PLCB4: variants seen among roughly 807,000 people sequenced by gnomAD.
PLCB4 encodes 1-phosphatidylinositol 4,5-bisphosphate phosphodiesterase beta-4.
PLCB4 carries 77 observed loss-of-function variants against 178.8 expected under a neutral mutation model. That is an observed-to-expected ratio of 0.43 (90% CI 0.36 to 0.52). The LOEUF is 0.52. Ranked by LOEUF, PLCB4 falls within the 20% of genes least tolerant of loss-of-function variation. The pLI, the probability that PLCB4 is intolerant of heterozygous loss-of-function variation, is 0.00. For missense variants in PLCB4, 1,024 were observed against 1,453.4 expected, an observed-to-expected ratio of 0.70 and a Z score of 4.80; for synonymous variants, 496 against 490.8, an observed-to-expected ratio of 1.01 and a Z score of -0.14.
intron 2 of PLCB4, among the ~76,000 whole-genome samples, chr20:9,149,838 T>A (rs889789744): frequency 6.6e-6 from 1 of 152,206 alleles, no homozygotes; most frequent in African/African-American, 2.4e-5. Context: ...TCTCAAATAC[T>A]CTTCAGATTA....
At chr20:9,465,959 A>T (rs1387256549) in intron 35 of PLCB4, among the ~76,000 whole-genome samples, 1 of 152,236 alleles carries the variant, frequency 6.6e-6, no homozygotes, top group Non-Finnish European at 1.5e-5. Context: ...GGAACCAAAA[A>T]AGAGCCCTCA....
intron 28 of PLCB4, among the ~76,000 whole-genome samples, chr20:9,424,205 A>G (rs1425509830): frequency 6.6e-6 from 1 of 152,212 alleles, no homozygotes; most frequent in African/African-American, 2.4e-5. Flanking sequence ...TATGTTGTTT[A>G]TCAATTTTTA....
intron 3 of PLCB4, among the ~76,000 whole-genome samples, chr20:9,237,436 A>G (rs1258572411): frequency 6.6e-6 from 1 of 152,170 alleles, no homozygotes; most frequent in African/African-American, 2.4e-5. Flanking sequence ...AGGAGTTTGG[A>G]CTTTTTCTAG....
At chr20:9,397,438 C>T (rs1465368811) in intron 19 of PLCB4, among the ~76,000 whole-genome samples, 6 of 152,152 alleles carry the variant, frequency 3.9e-5, no homozygotes, top group Admixed American at 6.6e-5. Flanking sequence ...TTACCTCTTC[C>T]CATAAATCAT....
At chr20:9,144,252 C>G (rs1310563799) in intron 2 of PLCB4, among the ~76,000 whole-genome samples, 1 of 152,030 alleles carries the variant, frequency 6.6e-6, no homozygotes, top group African/African-American at 2.4e-5. Flanking sequence ...CTGGGAGAAC[C>G]AACTACTGTG....
intron 2 of PLCB4, among the ~76,000 whole-genome samples, chr20:9,145,452 C>T (rs1300322576): frequency 6.6e-6 from 1 of 151,626 alleles, no homozygotes; most frequent in Non-Finnish European, 1.5e-5. Context: ...AATGTGTCTA[C>T]ATTAATTCAA....
At chr20:9,297,250 A>T (rs1222903786) in intron 3 of PLCB4, among the ~76,000 whole-genome samples, 1 of 152,022 alleles carries the variant, frequency 6.6e-6, no homozygotes, top group Non-Finnish European at 1.5e-5. Flanking sequence ...CACTTCTGTA[A>T]TTCACTACTA....
intron 4 of PLCB4, among the ~76,000 whole-genome samples, chr20:9,320,755 G>T (rs2094951015): frequency 6.6e-6 from 1 of 152,178 alleles, no homozygotes; most frequent in Non-Finnish European, 1.5e-5. Context: ...CAGAAAAATG[G>T]CCTGCCAGCT....
At chr20:9,462,429 A>G (rs1425524613) in intron 35 of PLCB4, among the ~76,000 whole-genome samples, 2 of 152,236 alleles carry the variant, frequency 1.3e-5, no homozygotes, top group African/African-American at 4.8e-5. Context: ...ACAAGTTGAC[A>G]GAAGTGGGCT....
intron 19 of PLCB4, among the ~76,000 whole-genome samples, chr20:9,399,742 T>C (rs1311529620): frequency 6.6e-6 from 1 of 152,258 alleles, no homozygotes; most frequent in Admixed American, 6.5e-5. Flanking sequence ...TTGTTTGGGG[T>C]ATGCCCCTTG....
chr20:9,216,469 G>A (rs1291514759), intron 2 of PLCB4, among the ~76,000 whole-genome samples: 3 of 151,676 alleles, frequency 2.0e-5, no homozygotes, highest in African/African-American at 7.3e-5. Flanking sequence ...CGCCCGCCTC[G>A]GCCTCCCAAA....
chr20:9,418,667 A>G (rs907404789), intron 25 of PLCB4, among the ~76,000 whole-genome samples: 2 of 152,098 alleles, frequency 1.3e-5, no homozygotes, highest in Non-Finnish European at 2.9e-5. Flanking sequence ...TTGAGTTTCT[A>G]TATGAATTTT....
intron 2 of PLCB4, among the ~76,000 whole-genome samples, chr20:9,176,595 A>C (rs2093159168): frequency 6.6e-6 from 1 of 152,224 alleles, no homozygotes; most frequent in Admixed American, 6.5e-5. Context: ...ACATACACAC[A>C]AACAGGGAAA....
At chr20:9,120,510 A>G (rs2146746869) in intron 2 of PLCB4, among the ~76,000 whole-genome samples, 1 of 152,110 alleles carries the variant, frequency 6.6e-6, no homozygotes, top group East Asian at 1.9e-4. Flanking sequence ...CTCTCTTTAT[A>G]GTGAGTAATT....
chr20:9,160,693 G>A (rs1003352185), intron 2 of PLCB4, among the ~76,000 whole-genome samples: 1 of 152,154 alleles, frequency 6.6e-6, no homozygotes, highest in Non-Finnish European at 1.5e-5. Flanking sequence ...TAATGGTGGA[G>A]GTAACTTCTG....
At chr20:9,245,073 T>C (rs1186353444) in intron 3 of PLCB4, among the ~76,000 whole-genome samples, 1 of 152,138 alleles carries the variant, frequency 6.6e-6, no homozygotes, top group Non-Finnish European at 1.5e-5. Context: ...AACTGTGCCA[T>C]GTGCCGCTTA....
intron 3 of PLCB4, among the ~76,000 whole-genome samples, chr20:9,292,401 G>A (rs2094587780): frequency 6.6e-6 from 1 of 152,108 alleles, no homozygotes; most frequent in Non-Finnish European, 1.5e-5. Flanking sequence ...GACCTTATGG[G>A]CTGCCCAGAG....
chr20:9,470,311 A>G (rs2044098875), intron 36 of PLCB4, among the ~76,000 whole-genome samples: 2 of 152,036 alleles, frequency 1.3e-5, no homozygotes, highest in Non-Finnish European at 1.5e-5. Context: ...AGCCTGGCCA[A>G]CAGAGCAAAA....
chr20:9,355,698 G>A (rs1456872625), intron 7 of PLCB4, among the ~76,000 whole-genome samples: 2 of 151,726 alleles, frequency 1.3e-5, no homozygotes, highest in Non-Finnish European at 2.9e-5. Context: ...GTCTATCATT[G>A]TTGGACATTT....
Sources: allele counts gnomAD v4.1 joint callset (sites outside exome capture counted in the v4.1 genomes callset), GRCh38; gene constraint gnomAD v4.1.1; transcripts MANE v1.5; gene names NCBI Gene and HGNC (gene_info 2026-07-23, HGNC 2026-07-21).